The following JMY variants were observed in gnomAD, a reference collection of about 807,000 sequenced individuals.
JMY encodes junction mediating and regulatory protein, p53 cofactor, also known as junction-mediating and -regulatory protein.
Under a neutral mutation model 103.3 loss-of-function variants are expected in JMY, and 46 were observed. The observed-to-expected ratio is 0.45, with a 90% confidence interval of 0.35 to 0.57. JMY has a LOEUF of 0.57. Ranked by LOEUF, JMY falls within the 20% of genes least tolerant of loss-of-function variation. The pLI, the probability that JMY is intolerant of heterozygous loss-of-function variation, is 0.00. For synonymous variants in JMY, 526 were observed against 489.3 expected, an observed-to-expected ratio of 1.07 and a Z score of -0.99; for missense variants, 1,238 against 1,255.2, an observed-to-expected ratio of 0.99 and a Z score of 0.21.
At chr5:79,276,117 T>C (rs1745928612) in intron 1 of JMY, among the ~76,000 whole-genome samples, 1 of 152,192 alleles carries the variant, frequency 6.6e-6, no homozygotes, top group Non-Finnish European at 1.5e-5. Context: ...TTGTTATTTT[T>C]ATGTATTTAC....
chr5:79,247,687 C>G (rs1035368549), intron 1 of JMY, among the ~76,000 whole-genome samples: 1 of 151,702 alleles, frequency 6.6e-6, no homozygotes, highest in African/African-American at 2.4e-5. Flanking sequence ...GAGTCTTGCT[C>G]TGTTGCCCAG....
intron 10 of JMY, among the ~76,000 whole-genome samples, chr5:79,319,090 G>A (rs1459828595): frequency 6.6e-6 from 1 of 152,154 alleles, no homozygotes; most frequent in Non-Finnish European, 1.5e-5. Context: ...GCTCAAGTCA[G>A]CCTATCCTTG....
intron 10 of JMY, among the ~76,000 whole-genome samples, chr5:79,316,922 A>AAC (rs71808480): frequency 6.8e-6 from 1 of 147,900 alleles, no homozygotes; most frequent in Admixed American, 6.8e-5. Flanking sequence ...AAAAAAAAAA[A>AAC]GGCTTTCCAG....
intron 1 of JMY, among the ~76,000 whole-genome samples, chr5:79,263,640 A>G (rs540469704): frequency 1.3e-5 from 2 of 151,378 alleles, no homozygotes; most frequent in African/African-American, 2.4e-5. Context: ...AGGTGTTCCA[A>G]AGTGCTGGGA....
chr5:79,242,773 T>G (rs1744779076), intron 1 of JMY, among the ~76,000 whole-genome samples: 1 of 150,726 alleles, frequency 6.6e-6, no homozygotes, highest in Non-Finnish European at 1.5e-5. Flanking sequence ...TGCAGTCAGT[T>G]CAATAATGAC....
intron 2 of JMY, among the ~76,000 whole-genome samples, chr5:79,286,083 G>A (rs930654331): frequency 1.3e-5 from 2 of 152,122 alleles, no homozygotes; most frequent in Non-Finnish European, 2.9e-5. Flanking sequence ...AATTTGCCAA[G>A]TTAGGAAAAG....
chr5:79,309,489 G>A (rs1022332998), intron 7 of JMY, among the ~76,000 whole-genome samples: 2 of 152,186 alleles, frequency 1.3e-5, no homozygotes, highest in African/African-American at 4.8e-5. Context: ...CTTTACAGAT[G>A]TGTCTTAAAT....
chr5:79,316,152 G>T lies in JMY; in HGVS notation c.2812G>T (p.Val938Leu). Residue 938 changes from valine (V) to leucine (L), a missense_variant, in exon 10 of 11, where the codon GTA becomes TTA. Transcript: ENST00000396137. Reference sequence around the variant, plus strand: ...AAGGAAAGGGGTAAAATTGAAGAAGGTACAGAAGGATGTTTTGAGAGAATC... The same window carrying T: ...AAGGAAAGGGGTAAAATTGAAGAAGTTACAGAAGGATGTTTTGAGAGAATC... Reference protein sequence around the residue: ...QIRKGVKLKKVQKDVLRESFT... With the variant: ...QIRKGVKLKKLQKDVLRESFT... 1 of 1,614,098 alleles carries T rather than the reference G, an allele frequency of 6.2e-7. No homozygotes were observed. The highest frequency in any genetic ancestry group is 8.5e-7 in the Non-Finnish European group (1 of 1,180,004).
In JMY at chr5:79,314,622, ACCACCACCTCCC is replaced by A. The variant is rs769283151; in HGVS notation, c.2436_2447del (p.Pro822_Pro825del). ...CACTCCCATCCCCTCTTCCTCCAACACCACCACCTCCCCCACCTCCTCCCCCTCCCCCACCAC... is the reference window on the plus strand; with the variant it reads ...CACTCCCATCCCCTCTTCCTCCAACACCACCTCCTCCCCCTCCCCCACCAC... On this transcript the variant is annotated inframe_deletion, in exon 9 of 11. Transcript: ENST00000396137. The A allele has an allele frequency of 6.3e-6, 10 of 1,588,878 alleles. No homozygotes were observed. The East Asian group carries it at 9.0e-5, about 14-fold the overall frequency.
intron 1 of JMY, among the ~76,000 whole-genome samples, chr5:79,249,017 C>T: frequency 6.6e-6 from 1 of 152,164 alleles, no homozygotes; most frequent in East Asian, 1.9e-4. Context: ...CCCGCCTTGC[C>T]CTCCCAAAGT....
chr5:79,317,615 A>G (rs943766346), intron 10 of JMY, among the ~76,000 whole-genome samples: 1 of 152,124 alleles, frequency 6.6e-6, no homozygotes, highest in Admixed American at 6.5e-5. Context: ...ACATTCACCA[A>G]AGTAGGGAAG....
chr5:79,314,637 ACCTCCTCCCCCT>A lies in JMY; in HGVS notation c.2448_2459del (p.Pro822_Pro825del), dbSNP rs768079788. 2.5e-6 allele frequency: 1 copy of A among 396,676 alleles called. No individual in the cohort carries two copies. The highest frequency in any genetic ancestry group is 4.4e-5 in the Admixed American group (1 of 22,972). The allele number at this position is 396,676 out of a possible 1,614,324, so 24.6% of individuals were successfully genotyped here. A position where few individuals can be genotyped will look rare whatever the true frequency, so the allele number is the denominator to read the frequency against. On this transcript the variant is annotated inframe_deletion, in exon 9 of 11. Coordinates refer to ENST00000396137, the MANE Select transcript of JMY (RefSeq NM_152405.5). ...TTCCTCCAACACCACCACCTCCCCCACCTCCTCCCCCTCCCCCACCACCACCACCTCTGCCTG... is the reference window on the plus strand; with the variant it reads ...TTCCTCCAACACCACCACCTCCCCCACCCCCACCACCACCACCTCTGCCTG...
intron 1 of JMY, among the ~76,000 whole-genome samples, chr5:79,241,411 A>AT (rs1744737177): frequency 6.6e-6 from 1 of 152,248 alleles, no homozygotes; most frequent in African/African-American, 2.4e-5. Flanking sequence ...AGTTGTAAGT[A>AT]AAATTTTTAT....
chr5:79,238,214 AT>A (rs1290551395), intron 1 of JMY, among the ~76,000 whole-genome samples: 2 of 152,052 alleles, frequency 1.3e-5, no homozygotes, highest in African/African-American at 4.8e-5. Context: ...TCGGATGCAA[AT>A]TTATTTTTAA....
intron 8 of JMY, 59 bp downstream of exon 8, chr5:79,312,557 A>G: frequency 1.2e-6 from 1 of 858,580 alleles, no homozygotes; most frequent in Non-Finnish European, 1.8e-6. Context: ...TAACAGAGCT[A>G]CATATACACC....
chr5:79,244,473 G>A (rs748662093), intron 1 of JMY, among the ~76,000 whole-genome samples: 3 of 152,156 alleles, frequency 2.0e-5, no homozygotes, highest in African/African-American at 7.2e-5. Context: ...CATAGCAGCT[G>A]CTGTATTTGA....
intron 4 of JMY, 96 bp from the exon 5 acceptor site, chr5:79,300,057 A>T (rs1328643668): frequency 1.2e-6 from 1 of 839,900 alleles, no homozygotes; most frequent in East Asian, 2.7e-5. Context: ...ATTACTTAAT[A>T]GGTTTATGCT....
chr5:79,243,586 A>G (rs1455954514), intron 1 of JMY, among the ~76,000 whole-genome samples: 1 of 152,248 alleles, frequency 6.6e-6, no homozygotes, highest in South Asian at 2.1e-4. Flanking sequence ...AGATATGTCA[A>G]CATTGTAGCT....
At chr5:79,253,705 T>C (rs1745157458) in intron 1 of JMY, among the ~76,000 whole-genome samples, 1 of 152,134 alleles carries the variant, frequency 6.6e-6, no homozygotes, top group African/African-American at 2.4e-5. Context: ...TTTCAGATGA[T>C]TTTTCTTTTT....
Sources: allele counts gnomAD v4.1 joint callset (sites outside exome capture counted in the v4.1 genomes callset), GRCh38; gene constraint gnomAD v4.1.1; transcripts MANE v1.5; gene names NCBI Gene and HGNC (gene_info 2026-07-23, HGNC 2026-07-21).